Variants in ZBTB20 observed in about 807,000 individuals in gnomAD.
The protein encoded by ZBTB20 is zinc finger and BTB domain-containing protein 20.
ZBTB20 carries 9 observed loss-of-function variants against 56.9 expected under a neutral mutation model. The ratio of observed to expected loss-of-function variants is 0.16; its 90% confidence interval spans 0.10 to 0.28. The LOEUF (loss-of-function observed/expected upper bound fraction) is 0.28. ZBTB20 is among the 10% of genes least tolerant of loss of function. The pLI is 1.00. For synonymous variants in ZBTB20, 417 were observed against 420.7 expected (o/e 0.99, Z 0.11); for missense variants, 655 against 1,003.0 (o/e 0.65, Z 4.69).
At chr3:114,889,568 A>C (rs559782522) in intron 4 of ZBTB20, among the ~76,000 whole-genome samples, 2 of 152,240 alleles carry the variant, frequency 1.3e-5, no homozygotes, top group South Asian at 4.1e-4. Flanking sequence ...TAGCTACAAT[A>C]ATTTGCATTA....
intron 1 of ZBTB20, among the ~76,000 whole-genome samples, chr3:115,129,257 T>C (rs1158263664): frequency 1.3e-5 from 2 of 152,146 alleles, no homozygotes; most frequent in Non-Finnish European, 2.9e-5. Flanking sequence ...AATTTTAAAA[T>C]GGAGACATAC....
intron 6 of ZBTB20, among the ~76,000 whole-genome samples, chr3:114,552,000 A>T (rs899049490): frequency 1.3e-5 from 2 of 152,230 alleles, no homozygotes; most frequent in African/African-American, 4.8e-5. Context: ...ACTTGAGGCC[A>T]GGAGTGTGAG....
chr3:114,418,378 C>A (rs1391788110), intron 7 of ZBTB20, among the ~76,000 whole-genome samples: 1 of 152,006 alleles, frequency 6.6e-6, no homozygotes, highest in Non-Finnish European at 1.5e-5. Context: ...CTTTAGCTTT[C>A]TGAGTCATGC....
At chr3:114,585,131 A>G (rs1352964728) in intron 6 of ZBTB20, among the ~76,000 whole-genome samples, 2 of 151,850 alleles carry the variant, frequency 1.3e-5, no homozygotes, top group Non-Finnish European at 2.9e-5. Context: ...TGAGGGGAGG[A>G]AGTTTCCTCA....
chr3:114,813,112 G>A (rs1313037926), intron 4 of ZBTB20, among the ~76,000 whole-genome samples: 2 of 152,214 alleles, frequency 1.3e-5, no homozygotes, highest in Non-Finnish European at 2.9e-5. Context: ...ACAGTGCAGC[G>A]GCGGGCCGAA....
chr3:115,049,031 G>C (rs1167106948), intron 2 of ZBTB20, among the ~76,000 whole-genome samples: 1 of 151,670 alleles, frequency 6.6e-6, no homozygotes, highest in Non-Finnish European at 1.5e-5. Context: ...TTTTTTTAAT[G>C]CTAAACTTTT....
intron 3 of ZBTB20, among the ~76,000 whole-genome samples, chr3:114,928,950 C>T (rs1226946459): frequency 6.6e-6 from 1 of 152,198 alleles, no homozygotes; most frequent in African/African-American, 2.4e-5. Context: ...TTATTAAGCA[C>T]TTAGTTGGTA....
intron 4 of ZBTB20, among the ~76,000 whole-genome samples, chr3:114,864,062 T>A (rs897168067): frequency 6.6e-6 from 1 of 152,216 alleles, no homozygotes; most frequent in Middle Eastern, 3.4e-3. Context: ...TTTCCTAGTA[T>A]ATTGAAATCA....
chr3:115,082,852 A>G (rs2082847640), intron 1 of ZBTB20, among the ~76,000 whole-genome samples: 1 of 152,086 alleles, frequency 6.6e-6, no homozygotes, highest in African/African-American at 2.4e-5. Flanking sequence ...ACAAACACAC[A>G]CATATCTGCT....
intron 3 of ZBTB20, among the ~76,000 whole-genome samples, chr3:114,962,050 AATG>A (rs1211050056): frequency 6.6e-6 from 1 of 152,074 alleles, no homozygotes; most frequent in African/African-American, 2.4e-5. Flanking sequence ...TAAATTGTGA[AATG>A]AGCATTAAAT....
At chr3:114,561,775 C>T (rs2052086835) in intron 6 of ZBTB20, among the ~76,000 whole-genome samples, 1 of 151,954 alleles carries the variant, frequency 6.6e-6, no homozygotes, top group Admixed American at 6.6e-5. Context: ...TTAAAGTTAC[C>T]TGCTGCACCA....
intron 5 of ZBTB20, among the ~76,000 whole-genome samples, chr3:114,793,054 T>C (rs1298856379): frequency 6.6e-6 from 1 of 151,768 alleles, no homozygotes; most frequent in African/African-American, 2.4e-5. Flanking sequence ...TTTTTTTATA[T>C]TTTTTAGTAG....
intron 2 of ZBTB20, among the ~76,000 whole-genome samples, chr3:115,050,888 A>AATAGTTTGTTTTC (rs2081521921): frequency 6.6e-6 from 1 of 152,148 alleles, no homozygotes; most frequent in South Asian, 2.1e-4. Context: ...TCTATTAGAA[A>AATAGTTTGTTTTC]CAATAGAAAA....
chr3:114,926,322 T>A (rs2076156092), intron 3 of ZBTB20, among the ~76,000 whole-genome samples: 1 of 152,350 alleles, frequency 6.6e-6, no homozygotes, highest in African/African-American at 2.4e-5. Flanking sequence ...TCTAGTCTTA[T>A]CCATTCTCCA....
chr3:114,510,701 C>T (rs1160468923), intron 6 of ZBTB20, among the ~76,000 whole-genome samples: 2 of 151,918 alleles, frequency 1.3e-5, no homozygotes, highest in Non-Finnish European at 2.9e-5. Flanking sequence ...CTAAGAAATC[C>T]CTGAACGAAT....
chr3:114,397,355 C>T (rs1024969781), intron 7 of ZBTB20, among the ~76,000 whole-genome samples: 11 of 152,122 alleles, frequency 7.2e-5, no homozygotes, highest in African/African-American at 2.7e-4. Flanking sequence ...GGATCTACAC[C>T]ATGCAGTGTG....
At chr3:114,898,697 T>G (rs1006708353) in intron 4 of ZBTB20, among the ~76,000 whole-genome samples, 9 of 152,160 alleles carry the variant, frequency 5.9e-5, no homozygotes, top group Non-Finnish European at 8.8e-5. Context: ...CTGTGTTTCC[T>G]ACTTCCAAAG....
chr3:114,970,032 C>G (rs981899621), intron 3 of ZBTB20, among the ~76,000 whole-genome samples: 2 of 152,176 alleles, frequency 1.3e-5, no homozygotes, highest in Non-Finnish European at 2.9e-5. Flanking sequence ...TTCCACTTAG[C>G]CTGGTAAGTG....
chr3:114,610,455 T>C (rs2057466476), intron 6 of ZBTB20, among the ~76,000 whole-genome samples: 1 of 152,198 alleles, frequency 6.6e-6, no homozygotes, highest in Non-Finnish European at 1.5e-5. Context: ...ACCCTTTCTC[T>C]AAATGGTGCT....
Sources: gnomAD v4.1 joint callset for allele counts (sites outside exome capture counted in the v4.1 genomes callset) on GRCh38, gnomAD v4.1.1 for gene constraint, MANE v1.5 for transcripts, NCBI Gene and HGNC (gene_info 2026-07-23, HGNC 2026-07-21) for gene names.